The following SERTAD2 variants were observed in gnomAD, a reference collection of about 807,000 sequenced individuals.
SERTAD2 encodes SERTA domain-containing protein 2.
A neutral mutation model predicts 15.4 loss-of-function variants in SERTAD2; 2 were observed. The ratio of observed to expected loss-of-function variants is 0.13; its 90% confidence interval spans 0.05 to 0.41. The LOEUF (loss-of-function observed/expected upper bound fraction) is 0.41, where lower values mean the gene tolerates loss of function less well. SERTAD2 is among the 10% of genes least tolerant of loss of function. SERTAD2 has a pLI of 0.99. For synonymous variants in SERTAD2, 180 were observed against 178.0 expected (o/e 1.01, Z -0.09); for missense variants, 333 against 409.7 (o/e 0.81, Z 1.62).
rs1230833177 is a variant in SERTAD2, at chr2:64,632,433, C to G, written c.*3494G>C. 2 of 152,660 alleles carry G rather than the reference C, an allele frequency of 1.3e-5. No individual in the cohort carries two copies. Among genetic ancestry groups the G allele is most frequent in the Non-Finnish European group, 1.5e-5 (1 of 68,034 alleles). The allele number at this position is 152,660 out of a possible 1,614,324, so 9.5% of individuals were successfully genotyped here. On this transcript the variant is annotated 3_prime_UTR_variant, in exon 2 of 2. Coordinates refer to ENST00000313349, the MANE Select transcript of SERTAD2 (RefSeq NM_014755.3). ...TTGACCTCAGGGCAGCTGGGGCACT[C>G]CAAGGGGCTATGGCGATAAAAAGCT...
chr2:64,637,897 T>C (rs1298528180), intron 1 of SERTAD2, among the ~76,000 whole-genome samples: 1 of 152,164 alleles, frequency 6.6e-6, no homozygotes, highest in East Asian at 1.9e-4. Flanking sequence ...TTCTGGGGAG[T>C]GGGCCTTCCA....
In SERTAD2 at chr2:64,635,966, T is replaced by C. The variant is rs768875625; in HGVS notation, c.906A>G (p.Thr302=). The C allele has an allele frequency of 1.2e-6, 2 of 1,613,944 alleles. No homozygotes were observed. Among genetic ancestry groups the C allele is most frequent in the Non-Finnish European group, 1.7e-6 (2 of 1,179,966 alleles). Residue 302 remains threonine, a synonymous_variant, in exon 2 of 2, where the codon ACA becomes ACG. Transcript: ENST00000313349. ...GCACCTCCATGATGTGGTCCAGCTCTGTGAGGTCCATTTTGAAAGGCTGAC... is the reference window on the plus strand; with the variant it reads ...GCACCTCCATGATGTGGTCCAGCTCCGTGAGGTCCATTTTGAAAGGCTGAC... ...TPSQPFKMDL[T]ELDHIMEVLV...
intron 1 of SERTAD2, among the ~76,000 whole-genome samples, chr2:64,649,515 T>C (rs1176354336): frequency 6.6e-6 from 1 of 152,230 alleles, no homozygotes; most frequent in African/African-American, 2.4e-5. Flanking sequence ...TCCCTTCCCC[T>C]TTACTATTCT....
At chr2:64,652,428 G>GACTA (rs1675032154) in intron 1 of SERTAD2, among the ~76,000 whole-genome samples, 1 of 152,176 alleles carries the variant, frequency 6.6e-6, no homozygotes, top group Admixed American at 6.5e-5. Flanking sequence ...TCTTGTCAGG[G>GACTA]ACTAGTCTCT....
Position 64,636,883 on chromosome 2 carries a change from G to A in SERTAD2, c.-4-8C>T, listed in dbSNP as rs1384603847. On this transcript the variant is annotated splice_region_variant and splice_polypyrimidine_tract_variant and intron_variant, in intron 1 of 1. Transcript: ENST00000313349. ...CCTTTACCCAACATATATCTGCAGA[G>A]GGGAGAGAGAGGAAATGGCATTAAT... The A allele has an allele frequency of 1.3e-6, 2 of 1,572,558 alleles. No homozygotes were observed. Among genetic ancestry groups the A allele is most frequent in the Non-Finnish European group, 1.7e-6 (2 of 1,150,206 alleles).
At chr2:64,642,017 C>G (rs2104344603) in intron 1 of SERTAD2, among the ~76,000 whole-genome samples, 1 of 152,272 alleles carries the variant, frequency 6.6e-6, no homozygotes, top group Non-Finnish European at 1.5e-5. Flanking sequence ...TGAGAATTAC[C>G]ATTTCTTCTT....
At chr2:64,646,368 C>A (rs541366250) in intron 1 of SERTAD2, 1 of 152,036 alleles carries the variant, frequency 6.6e-6, no homozygotes, top group South Asian at 2.1e-4. Flanking sequence ...ATTACTCACA[C>A]CCCCAGTGAA....
rs1457419548 is a variant in SERTAD2, at chr2:64,633,493, CAACT to C, written c.*2430_*2433del. ...AAATCAGTTTTTAACAATGGCAAACCAACTGTTTTACCCTGTTATTGTTCAGAAT... is the reference window on the plus strand; with the variant it reads ...AAATCAGTTTTTAACAATGGCAAACCGTTTTACCCTGTTATTGTTCAGAAT... On this transcript the variant is annotated 3_prime_UTR_variant, in exon 2 of 2. Coordinates refer to ENST00000313349, the MANE Select transcript of SERTAD2 (RefSeq NM_014755.3). 6.6e-6 allele frequency: 1 copy of C among 152,164 alleles called. No individual in the cohort carries two copies. The highest frequency in any genetic ancestry group is 1.5e-5 in the Non-Finnish European group (1 of 68,022). The allele number at this position is 152,164 out of a possible 1,614,324, so 9.4% of individuals were successfully genotyped here. A position where few individuals can be genotyped will look rare whatever the true frequency, so the allele number is the denominator to read the frequency against.
chr2:64,653,261 A>G (rs1360389058), intron 1 of SERTAD2, among the ~76,000 whole-genome samples: 2 of 152,184 alleles, frequency 1.3e-5, no homozygotes. Flanking sequence ...CACGTTCACA[A>G]CAACACAACC....
chr2:64,639,179 A>C (rs1674719950), intron 1 of SERTAD2, among the ~76,000 whole-genome samples: 1 of 152,242 alleles, frequency 6.6e-6, no homozygotes, highest in Non-Finnish European at 1.5e-5. Context: ...ATACATACAC[A>C]CTCTAAAATA....
At chr2:64,647,879 G>GA (rs1209977222) in intron 1 of SERTAD2, among the ~76,000 whole-genome samples, 1 of 152,084 alleles carries the variant, frequency 6.6e-6, no homozygotes, top group Non-Finnish European at 1.5e-5. Context: ...TGCTTCAATG[G>GA]AAGCTTTTCT....
chr2:64,644,059 T>C (rs892711537), intron 1 of SERTAD2, among the ~76,000 whole-genome samples: 1 of 152,172 alleles, frequency 6.6e-6, no homozygotes, highest in African/African-American at 2.4e-5. Flanking sequence ...TCTGCCCTCA[T>C]GTACCCACCT....
chr2:64,643,369 C>A (rs140752579), intron 1 of SERTAD2, among the ~76,000 whole-genome samples: 30 of 152,288 alleles, frequency 2.0e-4, no homozygotes, highest in African/African-American at 6.7e-4. Context: ...GGTGTACGGG[C>A]GGCTAGTGGG....
intron 1 of SERTAD2, among the ~76,000 whole-genome samples, chr2:64,640,065 T>A (rs1674738390): frequency 6.6e-6 from 1 of 152,194 alleles, no homozygotes; most frequent in African/African-American, 2.4e-5. Flanking sequence ...TGTTTTGTAT[T>A]ATAAGGCAAA....
At chr2:64,643,589 C>A (rs1453144079) in intron 1 of SERTAD2, among the ~76,000 whole-genome samples, 1 of 152,270 alleles carries the variant, frequency 6.6e-6, no homozygotes, top group Non-Finnish European at 1.5e-5. Context: ...TATGCCTTCG[C>A]AGGGCAAGGT....
At position 64,653,704 on chromosome 2, in the gene SERTAD2, C is replaced by G. The variant is rs1020548541; in HGVS notation, c.-89G>C. The G allele has an allele frequency of 6.6e-6, 1 of 152,326 alleles. No homozygotes were observed. The highest frequency in any genetic ancestry group is 1.9e-4 in the East Asian group (1 of 5,184). The allele number at this position is 152,326 out of a possible 1,614,324, so 9.4% of individuals were successfully genotyped here. A position where few individuals can be genotyped will look rare whatever the true frequency, so the allele number is the denominator to read the frequency against. On this transcript the variant is annotated 5_prime_UTR_variant, in exon 1 of 2. Coordinates refer to ENST00000313349, the MANE Select transcript of SERTAD2 (RefSeq NM_014755.3). ...TACTCCCGCTCCATGCGGAGTGCCCCGCTCCAGGGGCCCGAGGGTGGCGCC... is the reference window on the plus strand; with the variant it reads ...TACTCCCGCTCCATGCGGAGTGCCCGGCTCCAGGGGCCCGAGGGTGGCGCC...
At chr2:64,649,022 C>T (rs1674957665) in intron 1 of SERTAD2, among the ~76,000 whole-genome samples, 1 of 152,080 alleles carries the variant, frequency 6.6e-6, no homozygotes, top group African/African-American at 2.4e-5. Context: ...GAGATGTCCC[C>T]TCAAAGAAGG....
In SERTAD2 at chr2:64,653,727, G is replaced by T. The variant is rs996803126; in HGVS notation, c.-112C>A. On this transcript the variant is annotated 5_prime_UTR_variant, in exon 1 of 2. Transcript: ENST00000313349. Reference sequence around the variant, plus strand: ...CCCGCTCCAGGGGCCCGAGGGTGGCGCCGGGGAGCGGGCAGCAGGCGAGGC... The same window carrying T: ...CCCGCTCCAGGGGCCCGAGGGTGGCTCCGGGGAGCGGGCAGCAGGCGAGGC... 7 of 152,338 alleles carry T rather than the reference G, an allele frequency of 4.6e-5. No homozygotes were observed. Among genetic ancestry groups the T allele is most frequent in the African/African-American group, 1.7e-4 (7 of 41,450 alleles). The allele number at this position is 152,338 out of a possible 1,614,324, so 9.4% of individuals were successfully genotyped here.
Position 64,636,458 on chromosome 2 carries a change from G to C in SERTAD2, c.414C>G (p.Asp138Glu), listed in dbSNP as rs775002705. 6.2e-7 allele frequency: 1 copy of C among 1,614,086 alleles called. No homozygotes were observed. Among genetic ancestry groups the C allele is most frequent in the South Asian group, 1.1e-5 (1 of 91,084 alleles). The change falls in exon 2 of 2, where the codon GAC becomes GAG. Residue 138 changes from aspartate to glutamate, a missense_variant. Asp to Glu is a conservative substitution (Grantham distance 45). Coordinates refer to ENST00000313349, the MANE Select transcript of SERTAD2 (RefSeq NM_014755.3). The stretch of plus-strand genomic sequence containing the variant: ...GGGAGGTGCAAAACGTGTCATCGTC[G>C]TCCTCGAGCAGTGAGGCCGGGGTGA... ...ACLTPASLLE[D>E]DDDTFCTSQA...
Sources: allele counts gnomAD v4.1 joint callset (sites outside exome capture counted in the v4.1 genomes callset), GRCh38; gene constraint gnomAD v4.1.1; transcripts MANE v1.5; gene names NCBI Gene and HGNC (gene_info 2026-07-23, HGNC 2026-07-21).